SUSD1: variants seen among roughly 807,000 people sequenced by gnomAD.
SUSD1 encodes sushi domain containing 1.
A neutral mutation model predicts 86.9 loss-of-function variants in SUSD1; 65 were observed. The observed-to-expected ratio is 0.75, with a 90% CI of 0.61 to 0.92. The LOEUF (loss-of-function observed/expected upper bound fraction) is 0.92, where lower values mean the gene tolerates loss of function less well. SUSD1 is among the 40% of genes least tolerant of loss of function. The probability of loss-of-function intolerance (pLI) is 0.00; values close to 1 mark genes in which losing one functional copy is unlikely to be tolerated. For synonymous variants in SUSD1, 346 were observed against 350.0 expected (o/e 0.99, Z 0.13); for missense variants, 850 against 929.7 (o/e 0.91, Z 1.11).
chr9:112,110,833 A>C (rs776701295), intron 8 of SUSD1, among the ~76,000 whole-genome samples: 1 of 151,660 alleles, frequency 6.6e-6, no homozygotes, highest in African/African-American at 2.4e-5. Context: ...AAGCTCCTTC[A>C]TTCCACTCCT....
chr9:112,165,536 A>C (rs1229107341), intron 1 of SUSD1, among the ~76,000 whole-genome samples: 1 of 151,326 alleles, frequency 6.6e-6, no homozygotes, highest in Non-Finnish European at 1.5e-5. Flanking sequence ...CAGCCTCCTG[A>C]GTAGCTGGAA....
At chr9:112,131,742 G>A (rs35926911) in intron 5 of SUSD1, among the ~76,000 whole-genome samples, 270 of 152,288 alleles carry the variant, frequency 1.8e-3, no homozygotes, top group Admixed American at 4.6e-3. Flanking sequence ...GTACAAATTT[G>A]CATTGCATAT....
At chr9:112,072,027 T>C (rs1195599991) in intron 12 of SUSD1, among the ~76,000 whole-genome samples, 1 of 152,176 alleles carries the variant, frequency 6.6e-6, no homozygotes, top group Non-Finnish European at 1.5e-5. Flanking sequence ...ACATCCTCAG[T>C]AGGCAGCACA....
At chr9:112,150,462 T>C (rs1423188000) in intron 2 of SUSD1, among the ~76,000 whole-genome samples, 1 of 152,216 alleles carries the variant, frequency 6.6e-6, no homozygotes, top group Admixed American at 6.5e-5. Flanking sequence ...TTGCACTCAA[T>C]TCTTATTCAA....
intron 3 of SUSD1, among the ~76,000 whole-genome samples, chr9:112,146,640 A>C (rs2131776642): frequency 6.7e-6 from 1 of 149,216 alleles, no homozygotes; most frequent in South Asian, 2.1e-4. Context: ...CCTAACTTAA[A>C]AAAAAAAAAA....
intron 10 of SUSD1, among the ~76,000 whole-genome samples, chr9:112,091,783 C>G (rs1012384820): frequency 1.3e-5 from 2 of 152,114 alleles, no homozygotes; most frequent in Admixed American, 6.5e-5. Context: ...AAGAGGGCAA[C>G]AAGATATAAT....
intron 5 of SUSD1, among the ~76,000 whole-genome samples, chr9:112,128,830 G>A (rs1456143255): frequency 1.3e-5 from 2 of 152,138 alleles, no homozygotes; most frequent in Admixed American, 6.5e-5. Context: ...TTCCAAAAAG[G>A]GAAAAGCAAC....
rs1209066452 is a variant in SUSD1 at position 112,113,309 on chromosome 9, A to G, written c.887-441T>C. Among the ~76,000 whole-genome samples the G allele has an allele frequency of 6.6e-6, 1 of 152,184 alleles. No homozygotes were observed. Among genetic ancestry groups the G allele is most frequent in the Admixed American group, 6.5e-5 (1 of 15,276 alleles). On this transcript the variant is annotated intron_variant, in intron 6 of 16. Transcript: ENST00000374270. This position sits in a 1 kb window ranked among gnomAD's most constrained non-coding sequence, Gnocchi z 4.1. ...CAAGTCACTGCTATCCCCAGGGGGAAAATGACATGTCTCACCACACAGGAC... is the reference window on the plus strand; with the variant it reads ...CAAGTCACTGCTATCCCCAGGGGGAGAATGACATGTCTCACCACACAGGAC...
In SUSD1 at chr9:112,053,513, C is replaced by CAAAAAAAAA. The variant is rs56987871; in HGVS notation, c.2110-1084_2110-1076dup. ...TGGGCAACAGAATGAGACTTCGTCTCAAAAAAAAAAAAAAAAAAAAAAAAA... is the reference window on the plus strand; with the variant it reads ...TGGGCAACAGAATGAGACTTCGTCTCAAAAAAAAAAAAAAAAAAAAAAAAAAAAAAAAAA... On this transcript the variant is annotated intron_variant, in intron 14 of 16. Transcript: ENST00000374270. 1.8e-3 allele frequency among the ~76,000 whole-genome samples: 140 copies of CAAAAAAAAA among 77,628 alleles called. 5 individuals are homozygous for CAAAAAAAAA. The highest frequency in any genetic ancestry group is 8.0e-3 in the African/African-American group (130 of 16,338). The allele number at this position is 77,628 out of a possible 152,430, so 50.9% of individuals were successfully genotyped here.
intron 1 of SUSD1, among the ~76,000 whole-genome samples, chr9:112,161,786 C>T (rs994339573): frequency 6.8e-6 from 1 of 147,866 alleles, no homozygotes; most frequent in African/African-American, 2.5e-5. Context: ...TGTGCCACTG[C>T]ACTCCAGCCT....
intron 3 of SUSD1, among the ~76,000 whole-genome samples, chr9:112,148,902 C>T (rs1248704524): frequency 7.3e-6 from 1 of 136,800 alleles, no homozygotes; most frequent in Non-Finnish European, 1.7e-5. Context: ...TGAGACCCCC[C>T]CCTTAAAAAA....
rs1405211289 is a variant in SUSD1 at position 112,041,328 on chromosome 9, C to A, written c.*164G>T. 2.9e-6 allele frequency: 2 copies of A among 683,352 alleles called. No individual in the cohort carries two copies. Among genetic ancestry groups the A allele is most frequent in the East Asian group, 2.6e-5 (1 of 37,748 alleles). The allele number at this position is 683,352 out of a possible 1,614,324, so 42.3% of individuals were successfully genotyped here. The stretch of plus-strand genomic sequence containing the variant: ...TATGGTGACTCCTCAGGGATAGCCA[C>A]CATCTTAAATCCAGGAATGGGGCCC... On this transcript the variant is annotated 3_prime_UTR_variant, in exon 17 of 17. Coordinates refer to ENST00000374270, the MANE Select transcript of SUSD1 (RefSeq NM_022486.5).
At chr9:112,061,760 A>T (rs1242344431) in intron 13 of SUSD1, among the ~76,000 whole-genome samples, 2 of 152,190 alleles carry the variant, frequency 1.3e-5, no homozygotes, top group East Asian at 3.8e-4. Flanking sequence ...TTATAAATGG[A>T]TATACAGATA....
rs535993256 is a variant in SUSD1 at position 112,160,887 on chromosome 9, C to T, written c.104-3274G>A. Among the ~76,000 whole-genome samples, 448 of 152,252 alleles carry T rather than the reference C, an allele frequency of 2.9e-3. 2 individuals are homozygous for T. The highest frequency in any genetic ancestry group is 0.01 in the African/African-American group (427 of 41,534). On this transcript the variant is annotated intron_variant, in intron 1 of 16. Coordinates refer to ENST00000374270, the MANE Select transcript of SUSD1 (RefSeq NM_022486.5). ...CCTGGATTCCTTCACTGATGCCGCA[C>T]AAAACAGAATTTTACGACCGGGAGA... is the stretch of plus-strand genomic sequence containing the variant.
chr9:112,153,612 CTTTTT>C (rs373913503), intron 2 of SUSD1, among the ~76,000 whole-genome samples: 1 of 130,620 alleles, frequency 7.7e-6, no homozygotes. Context: ...ACATACTATA[CTTTTT>C]TTTTTTTTTT....
intron 10 of SUSD1, among the ~76,000 whole-genome samples, chr9:112,096,453 ACT>A (rs1173701627): frequency 2.6e-5 from 4 of 152,162 alleles, no homozygotes; most frequent in African/African-American, 9.7e-5. Context: ...TCTGGCCAAG[ACT>A]CAGCAGAAAA....
intron 6 of SUSD1, among the ~76,000 whole-genome samples, chr9:112,123,321 G>A (rs747904484): frequency 9.2e-5 from 14 of 152,040 alleles, no homozygotes; most frequent in Non-Finnish European, 2.9e-5. Flanking sequence ...AGAAGGAGGT[G>A]CCAGGTTCCT....
intron 1 of SUSD1, among the ~76,000 whole-genome samples, chr9:112,169,568 T>C (rs1291825299): frequency 3.3e-5 from 5 of 151,940 alleles, no homozygotes; most frequent in Non-Finnish European, 7.4e-5. Flanking sequence ...TGAGTGCCAT[T>C]CATTTACGCC....
At chr9:112,052,095 G>A in intron 15 of SUSD1, 1 of 1,310,312 alleles carries the variant, frequency 7.6e-7, no homozygotes, top group Non-Finnish European at 9.8e-7. Flanking sequence ...AGAAAACGAA[G>A]CCAAGTGACT....
Sources: gnomAD v4.1 joint callset for allele counts (sites outside exome capture counted in the v4.1 genomes callset) on GRCh38, gnomAD v4.1.1 for gene constraint, Gnocchi (gnomAD v3.1) non-coding constraint, MANE v1.5 for transcripts, NCBI Gene and HGNC (gene_info 2026-07-23, HGNC 2026-07-21) for gene names.